Variants in FARP2 observed in about 807,000 individuals in gnomAD.
FARP2 encodes the protein FERM, ARH/RhoGEF and pleckstrin domain protein 2.
Under a neutral mutation model 130.5 loss-of-function variants are expected in FARP2, and 111 were observed. The observed-to-expected ratio is 0.85, with a 90% confidence interval of 0.73 to 1.00. The LOEUF (loss-of-function observed/expected upper bound fraction) is 1.00. FARP2 is among the 50% of genes least tolerant of loss of function. The probability of loss-of-function intolerance (pLI) is 0.00; values close to 1 mark genes in which losing one functional copy is unlikely to be tolerated. For missense variants in FARP2, 1,385 were observed against 1,346.3 expected, an observed-to-expected ratio of 1.03 and a Z score of -0.45; for synonymous variants, 504 against 516.9, an observed-to-expected ratio of 0.98 and a Z score of 0.34.
At chr2:241,435,113 A>G (rs1180701912) in intron 11 of FARP2, 83 bp downstream of exon 11, 6 of 778,084 alleles carry the variant, frequency 7.7e-6, no homozygotes, top group Non-Finnish European at 1.2e-5. Context: ...GCGAAAAGAG[A>G]GACTGAGTCT....
chr2:241,382,261 G>A (rs1178752653), intron 2 of FARP2, among the ~76,000 whole-genome samples: 3 of 140,338 alleles, frequency 2.1e-5, no homozygotes, highest in African/African-American at 7.8e-5. Flanking sequence ...GCTATATAGT[G>A]TTCTATTTTC....
intron 13 of FARP2, among the ~76,000 whole-genome samples, chr2:241,450,418 A>G (rs2063620892): frequency 6.6e-6 from 1 of 152,080 alleles, no homozygotes; most frequent in East Asian, 1.9e-4. Flanking sequence ...CTGTAGTCCC[A>G]GCACTTTGGG....
chr2:241,425,164 G>A (rs982164623), intron 8 of FARP2, among the ~76,000 whole-genome samples: 5 of 151,998 alleles, frequency 3.3e-5, no homozygotes, highest in Admixed American at 2.0e-4. Context: ...CCAAAATCAA[G>A]CCACTATACT....
chr2:241,447,628 A>T (rs1208707200), intron 13 of FARP2, among the ~76,000 whole-genome samples: 1 of 152,150 alleles, frequency 6.6e-6, no homozygotes. Context: ...ACAGGGGAGG[A>T]CGTGAACAAG....
chr2:241,401,591 G>A (rs1005570785), intron 2 of FARP2, among the ~76,000 whole-genome samples: 1 of 151,968 alleles, frequency 6.6e-6, no homozygotes, highest in African/African-American at 2.4e-5. Context: ...TTGAACTCCA[G>A]GCCTCAAGCA....
intron 22 of FARP2, 44 bp from the exon 23 acceptor site, chr2:241,490,994 TCCCTTGAGGGCTGGGGCCCTACA>T: frequency 8.0e-7 from 1 of 1,254,702 alleles, no homozygotes; most frequent in Non-Finnish European, 1.2e-6. Context: ...CGGCTCGCCC[TCCCTTGAGGGCTGGGGCCCTACA>T]CAAGGAAGAG....
At chr2:241,466,676 TCCCCTTCCAACCA>T in intron 17 of FARP2, 1 of 688,984 alleles carries the variant, frequency 1.5e-6, no homozygotes, top group Non-Finnish European at 1.6e-6. Context: ...CCGCCTTCAC[TCCCCTTCCAACCA>T]CCCCCCCCCC....
intron 8 of FARP2, among the ~76,000 whole-genome samples, chr2:241,424,390 A>C (rs1034364536): frequency 2.0e-5 from 3 of 152,226 alleles, no homozygotes; most frequent in Admixed American, 2.0e-4. Flanking sequence ...TTAAGGTAGA[A>C]ATCAAGAATT....
chr2:241,464,342 G>T (rs1336257057), intron 17 of FARP2, among the ~76,000 whole-genome samples: 1 of 150,582 alleles, frequency 6.6e-6, no homozygotes, highest in Admixed American at 6.6e-5. Flanking sequence ...CCAGAGCAGG[G>T]TCCCCTAAGA....
chr2:241,449,189 G>GT, intron 13 of FARP2, among the ~76,000 whole-genome samples: 1 of 152,130 alleles, frequency 6.6e-6, no homozygotes, highest in Non-Finnish European at 1.5e-5. Flanking sequence ...GCCGGGCGCG[G>GT]TGGCTCACGC....
At chr2:241,443,654 C>CA (rs1213601389) in intron 13 of FARP2, 1 of 152,316 alleles carries the variant, frequency 6.6e-6, no homozygotes, top group Non-Finnish European at 1.5e-5. Flanking sequence ...TAGGTCCATC[C>CA]AGGGACGTCA....
rs2240481 is a variant in FARP2, at chr2:241,466,106, G to A, written c.1894-2034G>A. The A allele has an allele frequency of 6.8e-3, 7,363 of 1,083,148 alleles. 727 individuals carry two copies. In the Admixed American group the frequency reaches 0.2, roughly 30 times the overall value. The allele number at this position is 1,083,148 out of a possible 1,614,324, so 67.1% of individuals were successfully genotyped here. On this transcript the variant is annotated intron_variant, in intron 17 of 26. Transcript: ENST00000264042. ...ATTAAAACCCTTTAGCTCTGGGGAG[G>A]CAGCCAAGAGCTCTGTCCACAAAAC...
At chr2:241,360,370 G>A (rs1330089955) in intron 1 of FARP2, among the ~76,000 whole-genome samples, 2 of 152,188 alleles carry the variant, frequency 1.3e-5, no homozygotes, top group East Asian at 1.9e-4. Flanking sequence ...GCTGGGAGCG[G>A]TGGCTCACGC....
intron 12 of FARP2, among the ~76,000 whole-genome samples, chr2:241,440,742 A>C (rs930329639): frequency 6.6e-6 from 1 of 152,064 alleles, no homozygotes; most frequent in African/African-American, 2.4e-5. Flanking sequence ...CTATTGGCTG[A>C]GTGGAATGGT....
At chr2:241,493,528 A>AGTT (rs2065008719) in intron 26 of FARP2, 84 bp downstream of exon 26, 2 of 1,306,842 alleles carry the variant, frequency 1.5e-6, no homozygotes, top group Admixed American at 3.5e-5. Context: ...GGTGGAGGCA[A>AGTT]GTTTTCTGGG....
At chr2:241,435,716 TTAG>T (rs1239635675) in intron 11 of FARP2, among the ~76,000 whole-genome samples, 2 of 151,018 alleles carry the variant, frequency 1.3e-5, no homozygotes, top group African/African-American at 4.9e-5. Context: ...TTTCACTGTG[TTAG>T]CCAGGGTGGT....
intron 7 of FARP2, among the ~76,000 whole-genome samples, chr2:241,417,557 A>G: frequency 6.6e-6 from 1 of 152,108 alleles, no homozygotes; most frequent in East Asian, 1.9e-4. Flanking sequence ...TCTTGACCTC[A>G]GGTGATCCAC....
At chr2:241,437,666 A>ATTT (rs1243876155) in intron 12 of FARP2, among the ~76,000 whole-genome samples, 2 of 129,244 alleles carry the variant, frequency 1.5e-5, no homozygotes, top group African/African-American at 2.7e-5. Flanking sequence ...TTATTTATTT[A>ATTT]TTTATTTTTT....
intron 1 of FARP2, among the ~76,000 whole-genome samples, chr2:241,366,053 G>A (rs1349202544): frequency 6.7e-5 from 6 of 90,036 alleles, no homozygotes; most frequent in Non-Finnish European, 1.4e-4. Context: ...CTGAGAGTTC[G>A]AGACCAGCCT....
Sources: gnomAD v4.1 joint callset for allele counts (sites outside exome capture counted in the v4.1 genomes callset) on GRCh38, gnomAD v4.1.1 for gene constraint, MANE v1.5 for transcripts, NCBI Gene and HGNC (gene_info 2026-07-23, HGNC 2026-07-21) for gene names.